UIMC1: variants seen among roughly 807,000 people sequenced by gnomAD.
UIMC1 encodes ubiquitin interaction motif containing 1, also known as BRCA1-A complex subunit RAP80.
Under a neutral mutation model 84.9 loss-of-function variants are expected in UIMC1, and 42 were observed. The observed-to-expected ratio is 0.49, with a 90% CI of 0.39 to 0.64. UIMC1 has a LOEUF of 0.64. Ranked by LOEUF, UIMC1 falls within the 30% of genes least tolerant of loss-of-function variation. The probability of loss-of-function intolerance (pLI) is 0.00; values close to 1 mark genes in which losing one functional copy is unlikely to be tolerated. For missense variants in UIMC1, 825 were observed against 847.6 expected (o/e 0.97, Z 0.33); for synonymous variants, 281 against 293.0 (o/e 0.96, Z 0.42).
chr5:176,985,049 C>A (rs1669183501), intron 1 of UIMC1, among the ~76,000 whole-genome samples: 1 of 152,034 alleles, frequency 6.6e-6, no homozygotes, highest in Non-Finnish European at 1.5e-5. Flanking sequence ...TATGACCCTG[C>A]CACATCCCCC....
rs1302298602 is a variant in UIMC1 at position 176,982,464 on chromosome 5, C to T, written c.147+5G>A. ...AGCTCTACTTTTCAGCTCTACTTCA[C>T]TAACCTCTCCATCACTATCGGATAT... is the stretch of plus-strand genomic sequence containing the variant. On this transcript the variant is annotated splice_donor_5th_base_variant and intron_variant, in intron 2 of 14. Coordinates refer to ENST00000511320, the MANE Select transcript of UIMC1 (RefSeq NM_001199298.2). 5 of 1,611,072 alleles carry T rather than the reference C, an allele frequency of 3.1e-6. No individual in the cohort carries two copies. Among genetic ancestry groups the T allele is most frequent in the Non-Finnish European group, 4.2e-6 (5 of 1,179,356 alleles).
chr5:176,972,817 C>T (rs1301037453), intron 3 of UIMC1, among the ~76,000 whole-genome samples: 1 of 152,048 alleles, frequency 6.6e-6, no homozygotes, highest in Non-Finnish European at 1.5e-5. Context: ...ATTAACAATA[C>T]CGACAATAAA....
rs754141267 is a variant in UIMC1, at chr5:176,968,590, A to G, written c.1165T>C (p.Leu389=). 8 of 1,612,462 alleles carry G rather than the reference A, an allele frequency of 5.0e-6. No individual in the cohort carries two copies. Among genetic ancestry groups the G allele is most frequent in the Middle Eastern group, 1.7e-4 (1 of 6,044 alleles). Residue 389 remains leucine, a synonymous_variant, in exon 6 of 15, where the codon TTG becomes CTG. Coordinates refer to ENST00000511320, the MANE Select transcript of UIMC1 (RefSeq NM_001199298.2). ...CTGGTTGTTGGTTCTTCCTCCAACA[A>G]AAGTTTCTCTTTCAAGCTTTTAATT... The part of the protein sequence containing the change: ...SSIKSLKEKL[L]LEEEPTTSHG...
intron 10 of UIMC1, among the ~76,000 whole-genome samples, chr5:176,938,082 C>T (rs1248271731): frequency 6.7e-6 from 1 of 149,502 alleles, no homozygotes; most frequent in Non-Finnish European, 1.5e-5. Flanking sequence ...CCCAGCTACT[C>T]GGGAGGCTGA....
intron 8 of UIMC1, among the ~76,000 whole-genome samples, chr5:176,952,048 T>C (rs1307030542): frequency 1.3e-5 from 2 of 152,250 alleles, no homozygotes; most frequent in Non-Finnish European, 2.9e-5. Flanking sequence ...GTGTCTGAGA[T>C]GGACCCATGT....
chr5:176,955,902 G>A (rs1183436590), intron 8 of UIMC1, 57 bp downstream of exon 8: 4 of 1,529,658 alleles, frequency 2.6e-6, no homozygotes, highest in Non-Finnish European at 3.6e-6. Context: ...AAAATTAATA[G>A]GCATGAAAAG....
chr5:176,923,912 CACACACACACACACAG>C (rs1460408081), intron 10 of UIMC1, among the ~76,000 whole-genome samples: 3 of 151,160 alleles, frequency 2.0e-5, no homozygotes, highest in African/African-American at 4.9e-5. Context: ...CACACACACA[CACACACACACACACAG>C]ACACACACAC....
intron 1 of UIMC1, among the ~76,000 whole-genome samples, chr5:176,986,359 CAAAAAAAA>C (rs71583560): frequency 0.031 from 865 of 28,016 alleles, 19 homozygotes; most frequent in African/African-American, 0.078. Context: ...GACTTCATCT[CAAAAAAAA>C]AAAAAAAAAA....
chr5:176,995,913 T>C (rs1246690489), intron 1 of UIMC1, among the ~76,000 whole-genome samples: 1 of 151,648 alleles, frequency 6.6e-6, no homozygotes, highest in African/African-American at 2.4e-5. Flanking sequence ...GGGAGTTTCT[T>C]AAAAAATAAG....
At chr5:176,983,277 C>G (rs1165113144) in intron 1 of UIMC1, among the ~76,000 whole-genome samples, 1 of 151,942 alleles carries the variant, frequency 6.6e-6, no homozygotes, top group African/African-American at 2.4e-5. Context: ...TTCAGTCTCC[C>G]TCTGTTGCTG....
chr5:176,991,956 C>T (rs1396022449), intron 1 of UIMC1, among the ~76,000 whole-genome samples: 1 of 151,882 alleles, frequency 6.6e-6, no homozygotes, highest in African/African-American at 2.4e-5. Context: ...CCCACCTCTA[C>T]AAAAAAATTT....
chr5:176,971,917 C>A (rs1478226923), intron 3 of UIMC1, among the ~76,000 whole-genome samples: 2 of 151,920 alleles, frequency 1.3e-5, no homozygotes, highest in Non-Finnish European at 2.9e-5. Flanking sequence ...CTCAAAAAAA[C>A]CAAAAACAAA....
At chr5:176,970,273 A>C (rs1404632920) in intron 4 of UIMC1, 1 of 112,668 alleles carries the variant, frequency 8.9e-6, no homozygotes, top group African/African-American at 7.0e-5. Flanking sequence ...CTCCATCTCA[A>C]AAAAAAAAAA....
intron 3 of UIMC1, among the ~76,000 whole-genome samples, chr5:176,974,518 A>G (rs1321116508): frequency 1.3e-5 from 2 of 152,314 alleles, no homozygotes; most frequent in African/African-American, 4.8e-5. Context: ...AAAAAACCAT[A>G]AAAGAGAAAA....
intron 1 of UIMC1, among the ~76,000 whole-genome samples, chr5:176,997,550 T>C (rs1231172949): frequency 6.6e-6 from 1 of 151,992 alleles, no homozygotes; most frequent in African/African-American, 2.4e-5. Context: ...CCGGGCGTGG[T>C]GGCGGGCCCC....
chr5:176,969,337 T>C (rs532172163), intron 5 of UIMC1, 46 bp from the exon 6 acceptor site: 2 of 1,546,310 alleles, frequency 1.3e-6, no homozygotes, highest in South Asian at 2.5e-5. Flanking sequence ...AACTTTTTTA[T>C]TAAGAGGGCT....
chr5:176,945,630 C>T (rs1248567775), intron 9 of UIMC1, among the ~76,000 whole-genome samples: 2 of 152,168 alleles, frequency 1.3e-5, no homozygotes, highest in African/African-American at 2.4e-5. Context: ...TGGAATGCGA[C>T]CCTTGTGGGG....
At chr5:177,015,283 C>G (rs923066408) in intron 1 of UIMC1, among the ~76,000 whole-genome samples, 1 of 152,148 alleles carries the variant, frequency 6.6e-6, no homozygotes, top group Non-Finnish European at 1.5e-5. Context: ...CCTAAGATCA[C>G]ATAACTCATG....
chr5:176,905,747 A>G (rs1759274690), intron 14 of UIMC1: 1 of 627,966 alleles, frequency 1.6e-6, no homozygotes, highest in Admixed American at 3.1e-5. Flanking sequence ...CCAGGTCAGA[A>G]AACCAGGGTT....
Sources: allele counts gnomAD v4.1 joint callset (sites outside exome capture counted in the v4.1 genomes callset), GRCh38; gene constraint gnomAD v4.1.1; transcripts MANE v1.5; gene names NCBI Gene and HGNC (gene_info 2026-07-23, HGNC 2026-07-21).